NUP210: variants seen among roughly 807,000 people sequenced by gnomAD.
NUP210 encodes the protein nuclear pore membrane glycoprotein 210.
NUP210 carries 151 observed loss-of-function variants against 196.0 expected under a neutral mutation model. The observed-to-expected ratio is 0.77, with a 90% CI of 0.67 to 0.88. The LOEUF (loss-of-function observed/expected upper bound fraction) is 0.88. Among genes scored for constraint, NUP210 ranks in the 40% least tolerant of loss-of-function variants. The probability of loss-of-function intolerance (pLI) is 0.00; values close to 1 mark genes in which losing one functional copy is unlikely to be tolerated. For missense variants in NUP210, 2,314 were observed against 2,493.7 expected, an observed-to-expected ratio of 0.93 and a Z score of 1.53; for synonymous variants, 1,070 against 1,052.7, an observed-to-expected ratio of 1.02 and a Z score of -0.32.
chr3:13,361,003 G>A (rs777088778), intron 14 of NUP210, among the ~76,000 whole-genome samples: 6 of 152,224 alleles, frequency 3.9e-5, no homozygotes, highest in Non-Finnish European at 8.8e-5. Context: ...AGATCTACAA[G>A]TGCAGGATAC....
intron 39 of NUP210, 70 bp downstream of exon 39, chr3:13,319,002 G>A (rs1250266338): frequency 1.0e-5 from 15 of 1,436,796 alleles, no homozygotes; most frequent in African/African-American, 1.4e-5. Context: ...CAGGAGCCTC[G>A]ACCCCTCCCC....
At chr3:13,401,948 A>G (rs2124950077) in intron 1 of NUP210, among the ~76,000 whole-genome samples, 1 of 152,218 alleles carries the variant, frequency 6.6e-6, no homozygotes, top group East Asian at 1.9e-4. Context: ...TAATCCTAAC[A>G]CTTTGGGAGG....
chr3:13,341,951 G>A (rs1294265464), intron 22 of NUP210, 45 bp downstream of exon 22: 3 of 1,613,722 alleles, frequency 1.9e-6, no homozygotes, highest in Non-Finnish European at 2.5e-6. Context: ...GCTGGGGTCA[G>A]CACTGTCTCT....
Position 13,316,723 on chromosome 3 carries a change from C to CTG in NUP210, c.*957_*958insCA. The CTG allele has an allele frequency of 6.6e-6, 1 of 152,286 alleles. No homozygotes were observed. The highest frequency in any genetic ancestry group is 1.5e-5 in the Non-Finnish European group (1 of 68,080). 9.4% of individuals were successfully genotyped at this position (152,286 alleles called of 1,614,324 possible). A position where few individuals can be genotyped will look rare whatever the true frequency, so the allele number is the denominator to read the frequency against. ...CCTGATGAGCTGCCATGAAAGTGGC[C>CTG]GCCTCTCACACTGGCAGGCGGTGGC... On this transcript the variant is annotated 3_prime_UTR_variant, in exon 40 of 40. Transcript: ENST00000254508.
At chr3:13,401,391 C>A (rs1002754933) in intron 1 of NUP210, among the ~76,000 whole-genome samples, 1 of 152,048 alleles carries the variant, frequency 6.6e-6, no homozygotes, top group African/African-American at 2.4e-5. Context: ...CTGAGCATGC[C>A]GACCACTCCG....
At chr3:13,327,103 C>A in intron 32 of NUP210, 114 bp downstream of exon 32, 1 of 731,528 alleles carries the variant, frequency 1.4e-6, no homozygotes, top group Non-Finnish European at 2.2e-6. Flanking sequence ...GAGTATCCTG[C>A]AGGTCTGCCT....
In NUP210 at chr3:13,317,637, A is replaced by C. The variant is rs747366529; in HGVS notation, c.*44T>G. The C allele has an allele frequency of 1.4e-6, 2 of 1,392,122 alleles. No homozygotes were observed. Among genetic ancestry groups the C allele is most frequent in the East Asian group, 2.4e-5 (1 of 41,068 alleles). 86.2% of individuals were successfully genotyped at this position (1,392,122 alleles called of 1,614,324 possible). A position where few individuals can be genotyped will look rare whatever the true frequency, so the allele number is the denominator to read the frequency against. On this transcript the variant is annotated 3_prime_UTR_variant, in exon 40 of 40. Coordinates refer to ENST00000254508, the MANE Select transcript of NUP210 (RefSeq NM_024923.4). Reference sequence around the variant, plus strand: ...CAGGGATGTTCCATCTTGGGGGTGCACGAGGCTCGGCTGAGACCCATCCTC... The same window carrying C: ...CAGGGATGTTCCATCTTGGGGGTGCCCGAGGCTCGGCTGAGACCCATCCTC...
chr3:13,373,825 C>A lies in NUP210; in HGVS notation c.1480G>T (p.Val494Phe). ...NFSWSSSSHL[V>F]ATVTVKGVMT... ...ACGCCCTTGACAGTAACTGTGGCAA[C>A]CAGGTGGCTTGACGAAGACCAGCTG... Residue 494 changes from valine (V) to phenylalanine (F), a missense_variant, in exon 12 of 40, where the codon GTT becomes TTT. Coordinates refer to ENST00000254508, the MANE Select transcript of NUP210 (RefSeq NM_024923.4). 1.2e-6 allele frequency: 2 copies of A among 1,614,092 alleles called. No homozygotes were observed. The highest frequency in any genetic ancestry group is 1.7e-6 in the Non-Finnish European group (2 of 1,179,974).
At position 13,323,401 on chromosome 3, in the gene NUP210, G is replaced by T; in HGVS notation, c.4676C>A (p.Ala1559Asp). The T allele has an allele frequency of 2.5e-6, 4 of 1,614,124 alleles. No homozygotes were observed. The highest frequency in any genetic ancestry group is 3.4e-6 in the Non-Finnish European group (4 of 1,180,004). The change falls in exon 34 of 40, where the codon GCC (alanine) becomes GAC (aspartate). Residue 1559 changes from alanine to aspartate, a missense_variant. By Grantham distance (126) the Ala-to-Asp change is moderately radical (BLOSUM62 -2). Coordinates refer to ENST00000254508, the MANE Select transcript of NUP210 (RefSeq NM_024923.4). This position sits in a 1 kb window ranked among gnomAD's most constrained non-coding sequence, Gnocchi z 4.3. ...GGTCTGGATGGGGTGGAGGTGACGG[G>T]CCATGATCCTCTGAGGGACGCTGAC... ...VVVSVPQRIM[A>D]RHLHPIQTSF...
chr3:13,337,430 G>A (rs6442370), intron 26 of NUP210, among the ~76,000 whole-genome samples: 88,149 of 152,176 alleles, frequency 0.58, 26,704 homozygotes, highest in African/African-American at 0.76. Flanking sequence ...CCACTTCCTA[G>A]CTGTGTGGCC....
chr3:13,377,483 C>T lies in NUP210; in HGVS notation c.1125G>A (p.Lys375=). Residue 375 remains lysine (K), a synonymous_variant, in exon 9 of 40, where the codon AAG becomes AAA. Transcript: ENST00000254508. The part of the protein sequence containing the change: ...LYEITIEVFD[K]FSNKVYVSDN... Reference sequence around the variant, plus strand: ...CAGATACATAGACCTTGTTGCTGAACTTGTCAAAAACTTCGATGGTGATTT... The same window carrying T: ...CAGATACATAGACCTTGTTGCTGAATTTGTCAAAAACTTCGATGGTGATTT... The T allele has an allele frequency of 6.2e-7, 1 of 1,613,708 alleles. No homozygotes were observed. Among genetic ancestry groups the T allele is most frequent in the South Asian group, 1.1e-5 (1 of 91,064 alleles).
Position 13,337,883 on chromosome 3 carries a change from G to C in NUP210, c.3506C>G (p.Ala1169Gly). 1 of 1,612,906 alleles carries C rather than the reference G, an allele frequency of 6.2e-7. No individual in the cohort carries two copies. Among genetic ancestry groups the C allele is most frequent in the Non-Finnish European group, 8.5e-7 (1 of 1,179,874 alleles). ...CATGATGGGGGCGCGGATCCTCACG[G>C]CCCTTAGCAGCAGCACCTCCACCTG... ...LVQVEVLLLR[A>G]VRIRAPIMRM... The change falls in exon 26 of 40, where the codon GCC becomes GGC. Residue 1169 changes from alanine (A) to glycine (G), a missense_variant. Physicochemically the swap from Ala to Gly is moderately conservative, Grantham distance 60. Transcript: ENST00000254508.
intron 16 of NUP210, among the ~76,000 whole-genome samples, chr3:13,355,575 C>T (rs530051388): frequency 2.0e-5 from 3 of 152,350 alleles, no homozygotes; most frequent in East Asian, 1.9e-4. Flanking sequence ...CCTGCCTGAC[C>T]GATACAGTCA....
intron 14 of NUP210, among the ~76,000 whole-genome samples, chr3:13,364,658 G>T (rs1698471757): frequency 6.6e-6 from 1 of 152,026 alleles, no homozygotes; most frequent in Non-Finnish European, 1.5e-5. Flanking sequence ...GAGAAACCCT[G>T]TCTCTACTAA....
chr3:13,365,812 T>A lies in NUP210; in HGVS notation c.1932+134A>T, dbSNP rs1022698362. 3 of 952,136 alleles carry A rather than the reference T, an allele frequency of 3.2e-6. No homozygotes were observed. In the East Asian group the frequency reaches 7.2e-5, roughly 23 times the overall value. 59.0% of individuals were successfully genotyped at this position (952,136 alleles called of 1,614,324 possible). On this transcript the variant is annotated intron_variant, in intron 14 of 39. Coordinates refer to ENST00000254508, the MANE Select transcript of NUP210 (RefSeq NM_024923.4). ...GAATCCTGCTTTCAGCCAGAAATCA[T>A]GGGAGAGGAAGCTGTGCCAAAAGCT...
intron 23 of NUP210, chr3:13,341,081 G>A (rs1432458823): frequency 6.6e-6 from 1 of 152,294 alleles, no homozygotes; most frequent in African/African-American, 2.4e-5. Context: ...GCCCCCGAGT[G>A]GCCCGGATGC....
intron 33 of NUP210, 94 bp downstream of exon 33, chr3:13,325,701 C>T: frequency 6.8e-7 from 1 of 1,476,990 alleles, no homozygotes; most frequent in Non-Finnish European, 9.2e-7. Context: ...GACGGCTTTT[C>T]CCTAAAAGGA....
Position 13,350,479 on chromosome 3 carries a change from A to C in NUP210, c.2835+1400T>G, listed in dbSNP as rs765321265. Among the ~76,000 whole-genome samples, 47 of 64,250 alleles carry C rather than the reference A, an allele frequency of 7.3e-4. No homozygotes were observed. The highest frequency in any genetic ancestry group is 1.9e-3 in the Admixed American group (13 of 6,692). 42.2% of individuals were successfully genotyped at this position (64,250 alleles called of 152,430 possible). A position where few individuals can be genotyped will look rare whatever the true frequency, so the allele number is the denominator to read the frequency against. On this transcript the variant is annotated intron_variant, in intron 20 of 39. Transcript: ENST00000254508. The surrounding 1 kb of genome is among the most constrained non-coding windows in gnomAD (Gnocchi z 4.1). ...AAACAAAACAAAACAAAACAAAACAAAAAACAAAACAAAACAGGAAAACAT... is the reference window on the plus strand; with the variant it reads ...AAACAAAACAAAACAAAACAAAACACAAAACAAAACAAAACAGGAAAACAT...
chr3:13,399,217 G>A (rs2124946284), intron 2 of NUP210, among the ~76,000 whole-genome samples: 1 of 135,948 alleles, frequency 7.4e-6, no homozygotes, highest in African/African-American at 2.9e-5. Flanking sequence ...AGTGAGCCAA[G>A]ATCGCGCCAC....
Sources: gnomAD v4.1 joint callset for allele counts (sites outside exome capture counted in the v4.1 genomes callset) on GRCh38, gnomAD v4.1.1 for gene constraint, Gnocchi (gnomAD v3.1) non-coding constraint, MANE v1.5 for transcripts, NCBI Gene and HGNC (gene_info 2026-07-23, HGNC 2026-07-21) for gene names.